IL2RB: variants seen among roughly 807,000 people sequenced by gnomAD.
IL2RB encodes the protein interleukin 2 receptor subunit beta.
IL2RB carries 17 observed loss-of-function variants against 44.2 expected under a neutral mutation model. The observed-to-expected ratio is 0.38, with a 90% CI of 0.26 to 0.58. The LOEUF (loss-of-function observed/expected upper bound fraction) is 0.58. Ranked by LOEUF, IL2RB falls within the 20% of genes least tolerant of loss-of-function variation. The pLI is 0.63. For synonymous variants in IL2RB, 286 were observed against 297.9 expected (o/e 0.96, Z 0.41); for missense variants, 624 against 685.5 (o/e 0.91, Z 1.00).
chr22:37,160,871 G>A (rs1448855891), intron 1 of IL2RB, among the ~76,000 whole-genome samples: 1 of 152,086 alleles, frequency 6.6e-6, no homozygotes, highest in Non-Finnish European at 1.5e-5. Flanking sequence ...ACTGGATGCG[G>A]TGGCTCACAC....
rs186066037 is a variant in IL2RB at position 37,167,285 on chromosome 22, A to G, written c.-34+7673T>C. Among the ~76,000 whole-genome samples, 16 of 151,924 alleles carry G rather than the reference A, an allele frequency of 1.1e-4. No homozygotes were observed. In the East Asian group the frequency reaches 3.1e-3, roughly 29 times the overall value. On this transcript the variant is annotated intron_variant, in intron 1 of 5. Transcript: ENST00000429622. ...CCCAGACCAGCTCTGACTGCCTCCAAGTGCCAAGCGCTCACAGTCCTCTAC... is the reference window on the plus strand; with the variant it reads ...CCCAGACCAGCTCTGACTGCCTCCAGGTGCCAAGCGCTCACAGTCCTCTAC...
In IL2RB at chr22:37,128,691, G is replaced by C. The variant is rs757382391; in HGVS notation, c.1061C>G (p.Ser354Trp). ...CTGGTTGGTGAAGCAGCTGGTCAGCGAGTGGTTGCTGCTTAAGGATGCGGG... is the reference window on the plus strand; with the variant it reads ...CTGGTTGGTGAAGCAGCTGGTCAGCCAGTGGTTGCTGCTTAAGGATGCGGG... ...PEPASLSSNH[S>W]LTSCFTNQGY... Residue 354 changes from serine to tryptophan, a missense_variant, in exon 10 of 10, where the codon TCG becomes TGG. Transcript: ENST00000216223. The surrounding 1 kb of genome is among the most constrained non-coding windows in gnomAD (Gnocchi z 4.5). The C allele has an allele frequency of 5.0e-6, 8 of 1,614,068 alleles. No homozygotes were observed. Among genetic ancestry groups the C allele is most frequent in the Non-Finnish European group, 8.5e-7 (1 of 1,180,010 alleles).
At chr22:37,167,237 G>C (rs115695717) in intron 1 of IL2RB, among the ~76,000 whole-genome samples, 1 of 151,804 alleles carries the variant, frequency 6.6e-6, no homozygotes, top group Non-Finnish European at 1.5e-5. Flanking sequence ...CCCTTTCCTC[G>C]GCCCTGGGTG....
upstream of IL2RB, among the ~76,000 whole-genome samples, chr22:37,154,175 GCA>G (rs1922590756): frequency 6.6e-6 from 1 of 152,212 alleles, no homozygotes. Flanking sequence ...GGGGGATGGT[GCA>G]GCCCCCACAT....
intron 1 of IL2RB, among the ~76,000 whole-genome samples, chr22:37,158,398 T>A (rs1279137544): frequency 1.3e-5 from 2 of 151,096 alleles, no homozygotes; most frequent in Non-Finnish European, 1.5e-5. Flanking sequence ...AAATAAAAAT[T>A]AAAAAAAAAT....
chr22:37,150,086 G>GCA (rs746303210), upstream of IL2RB: 29,884 of 138,034 alleles, frequency 0.22, 3,359 homozygotes, highest in African/African-American at 0.29. Flanking sequence ...GCTGGGGGCG[G>GCA]CACACACACA....
chr22:37,145,666 G>A (rs937810622), intron 1 of IL2RB, among the ~76,000 whole-genome samples: 1 of 152,040 alleles, frequency 6.6e-6, no homozygotes, highest in Non-Finnish European at 1.5e-5. Context: ...GGGGAGGCAG[G>A]GAGATGAGGA....
chr22:37,169,274 C>T (rs186021377), intron 1 of IL2RB, among the ~76,000 whole-genome samples: 4 of 143,954 alleles, frequency 2.8e-5, no homozygotes, highest in African/African-American at 1.1e-4. Flanking sequence ...GGGGTTCTTG[C>T]TTACAGATGG....
At chr22:37,140,008 G>A (rs1367949161) in intron 4 of IL2RB, among the ~76,000 whole-genome samples, 1 of 152,210 alleles carries the variant, frequency 6.6e-6, no homozygotes, top group Non-Finnish European at 1.5e-5. Flanking sequence ...GCAGCTTAAG[G>A]CATCCTGCCA....
In IL2RB at chr22:37,141,366, T is replaced by TC. The variant is rs1356488356; in HGVS notation, c.282+1067dup. ...CCTGCACTCTCAGGGTCTGGGAAGA[T>TC]CCCCCCTTGCCTCCGCAGGCTCAGA... On this transcript the variant is annotated intron_variant, in intron 4 of 9. Transcript: ENST00000216223. The surrounding 1 kb of genome is among the most constrained non-coding windows in gnomAD (Gnocchi z 4.4). 6.6e-6 allele frequency among the ~76,000 whole-genome samples: 1 copy of TC among 152,088 alleles called. No individual in the cohort carries two copies. Among genetic ancestry groups the TC allele is most frequent in the Non-Finnish European group, 1.5e-5 (1 of 68,000 alleles).
At chr22:37,137,784 T>A (rs1400320952) in intron 5 of IL2RB, 49 bp from the exon 6 acceptor site, 10 of 1,536,764 alleles carry the variant, frequency 6.5e-6, no homozygotes, top group Non-Finnish European at 9.0e-6. Flanking sequence ...GACCTCCACC[T>A]CCCACTTTGT....
At chr22:37,164,094 TGAG>T (rs1240348307) in intron 1 of IL2RB, among the ~76,000 whole-genome samples, 1 of 152,104 alleles carries the variant, frequency 6.6e-6, no homozygotes, top group African/African-American at 2.4e-5. Flanking sequence ...TGAGGGTGCG[TGAG>T]GAGAGGCGGC....
chr22:37,164,363 G>A (rs558107350), intron 1 of IL2RB, among the ~76,000 whole-genome samples: 2 of 152,224 alleles, frequency 1.3e-5, no homozygotes, highest in South Asian at 4.2e-4. Context: ...TCGGGAGGAT[G>A]TGGTCAGCGG....
Position 37,141,563 on chromosome 22 carries a change from G to T in IL2RB, c.282+871C>A, listed in dbSNP as rs2146242103. 6.6e-6 allele frequency among the ~76,000 whole-genome samples: 1 copy of T among 152,098 alleles called. No individual in the cohort carries two copies. The highest frequency in any genetic ancestry group is 1.5e-5 in the Non-Finnish European group (1 of 67,938). On this transcript the variant is annotated intron_variant, in intron 4 of 9. Coordinates refer to ENST00000216223, the MANE Select transcript of IL2RB (RefSeq NM_000878.5). The surrounding 1 kb of genome is among the most constrained non-coding windows in gnomAD (Gnocchi z 4.4). ...TCCTGGGGCAGCTGCAGCTGCCCAA[G>T]CCAGGACCCAGGCATCTCTACTGCC...
upstream of IL2RB, among the ~76,000 whole-genome samples, chr22:37,154,449 G>A (rs1922604275): frequency 1.3e-5 from 2 of 151,646 alleles, no homozygotes; most frequent in East Asian, 1.9e-4. Flanking sequence ...GCAGTGAGCT[G>A]GGGCTCCAGA....
chr22:37,160,495 T>C (rs776410001), intron 1 of IL2RB, among the ~76,000 whole-genome samples: 1 of 152,104 alleles, frequency 6.6e-6, no homozygotes, highest in Non-Finnish European at 1.5e-5. Context: ...CCATGGCACA[T>C]TGGAGACTCC....
chr22:37,171,568 G>A (rs1432182808), intron 1 of IL2RB, among the ~76,000 whole-genome samples: 1 of 152,176 alleles, frequency 6.6e-6, no homozygotes, highest in African/African-American at 2.4e-5. Flanking sequence ...CTCACCAGAA[G>A]GCGATGGGAA....
intron 6 of IL2RB, among the ~76,000 whole-genome samples, chr22:37,137,277 C>T (rs764297852): frequency 1.3e-5 from 2 of 152,218 alleles, no homozygotes; most frequent in East Asian, 1.9e-4. Flanking sequence ...GGCTTTGACA[C>T]GTGGAGGGTT....
intron 1 of IL2RB, among the ~76,000 whole-genome samples, chr22:37,174,594 T>A (rs1272904507): frequency 6.6e-6 from 1 of 152,202 alleles, no homozygotes; most frequent in East Asian, 1.9e-4. Flanking sequence ...CAATCACCTG[T>A]CCCCACACCT....
Sources: allele counts gnomAD v4.1 joint callset (sites outside exome capture counted in the v4.1 genomes callset), GRCh38; gene constraint gnomAD v4.1.1; non-coding constraint Gnocchi (gnomAD v3.1); transcripts MANE v1.5; gene names NCBI Gene and HGNC (gene_info 2026-07-23, HGNC 2026-07-21).